The following CADM2 variants were observed in gnomAD, a reference collection of about 807,000 sequenced individuals.
CADM2 encodes cell adhesion molecule 2.
A neutral mutation model predicts 49.8 loss-of-function variants in CADM2; 12 were observed. The ratio of observed to expected loss-of-function variants is 0.24; its 90% CI spans 0.15 to 0.39. The LOEUF (loss-of-function observed/expected upper bound fraction) is 0.39, where lower values mean the gene tolerates loss of function less well. Ranked by LOEUF, CADM2 falls within the 10% of genes least tolerant of loss-of-function variation. The pLI is 1.00. For missense variants in CADM2, 378 were observed against 492.3 expected, an observed-to-expected ratio of 0.77 and a Z score of 2.20; for synonymous variants, 214 against 175.4, an observed-to-expected ratio of 1.22 and a Z score of -1.74.
In CADM2 at chr3:85,192,067, A is replaced by G. The variant is rs1247350483; in HGVS notation, c.61+232399A>G. Among the ~76,000 whole-genome samples the G allele has an allele frequency of 1.1e-4, 17 of 151,904 alleles. 1 individual carries two copies. The highest frequency in any genetic ancestry group is 1.1e-3 in the Admixed American group (16 of 15,196). On this transcript the variant is annotated intron_variant, in intron 1 of 9. Transcript: ENST00000383699. ...AATAAAATTTTACCTGTAAAATGAT[A>G]TATTTATTGACAACTTATAATAAAT...
intron 6 of CADM2, among the ~76,000 whole-genome samples, chr3:85,923,514 G>A (rs1489702302): frequency 7.0e-6 from 1 of 142,728 alleles, no homozygotes; most frequent in African/African-American, 2.6e-5. Flanking sequence ...AAAATTCTGA[G>A]TTCTCAATTG....
chr3:85,213,705 G>A (rs1278379629), intron 1 of CADM2, among the ~76,000 whole-genome samples: 1 of 151,982 alleles, frequency 6.6e-6, no homozygotes, highest in Non-Finnish European at 1.5e-5. Context: ...GTAACTCTTA[G>A]ATTTGTCCTT....
intron 1 of CADM2, among the ~76,000 whole-genome samples, chr3:85,143,499 T>G (rs1440720620): frequency 6.6e-6 from 1 of 152,166 alleles, no homozygotes; most frequent in Admixed American, 6.5e-5. Context: ...TTAATATGAT[T>G]GTGAAAATCA....
At chr3:85,506,659 CA>C (rs2040366856) in intron 1 of CADM2, among the ~76,000 whole-genome samples, 2 of 152,084 alleles carry the variant, frequency 1.3e-5, no homozygotes, top group Admixed American at 1.3e-4. Context: ...GTTAGCTTCC[CA>C]AAAAGCTAGG....
intron 1 of CADM2, among the ~76,000 whole-genome samples, chr3:85,608,623 G>A (rs1170869244): frequency 6.6e-6 from 1 of 152,088 alleles, no homozygotes; most frequent in East Asian, 1.9e-4. Flanking sequence ...GCTTAAAAAG[G>A]CAAGGTAATT....
At chr3:85,477,751 T>C (rs924926912) in intron 1 of CADM2, among the ~76,000 whole-genome samples, 7 of 151,866 alleles carry the variant, frequency 4.6e-5, no homozygotes, top group Admixed American at 3.3e-4. Context: ...TCACCTTCTG[T>C]AGGGATGATT....
intron 8 of CADM2, among the ~76,000 whole-genome samples, chr3:86,010,882 GAA>G (rs1731424144): frequency 6.6e-6 from 1 of 151,480 alleles, no homozygotes; most frequent in Non-Finnish European, 1.5e-5. Flanking sequence ...AGAATAGAAA[GAA>G]AATGCATTTT....
intron 1 of CADM2, among the ~76,000 whole-genome samples, chr3:85,181,473 A>G (rs2040931947): frequency 6.6e-6 from 1 of 152,096 alleles, no homozygotes; most frequent in African/African-American, 2.4e-5. Context: ...AATATGAGAT[A>G]AAGTCACTCT....
chr3:85,946,949 A>G (rs866726140), intron 7 of CADM2, among the ~76,000 whole-genome samples: 3 of 152,166 alleles, frequency 2.0e-5, no homozygotes, highest in East Asian at 3.9e-4. Context: ...GATAAATGAG[A>G]TATAATTAAA....
intron 1 of CADM2, among the ~76,000 whole-genome samples, chr3:85,580,185 A>T (rs530383730): frequency 6.6e-6 from 1 of 152,304 alleles, no homozygotes; most frequent in South Asian, 2.1e-4. Flanking sequence ...CCATTTAATC[A>T]TTTCAGTTAT....
At chr3:85,205,039 A>G (rs530597111) in intron 1 of CADM2, among the ~76,000 whole-genome samples, 1 of 143,914 alleles carries the variant, frequency 6.9e-6, no homozygotes, top group South Asian at 2.2e-4. Flanking sequence ...TTTTTTTGAG[A>G]TAGGATCTTA....
Position 85,413,161 on chromosome 3 carries a change from AAATAATAAT to A in CADM2, c.62-313344_62-313336del, listed in dbSNP as rs1206383142. On this transcript the variant is annotated intron_variant, in intron 1 of 9. Coordinates refer to ENST00000383699, the MANE Select transcript of CADM2 (RefSeq NM_001167675.2). ...CTCAAAAAAAAAAAAAAAAAAAAAA[AAATAATAAT>A]AATAATAATAATAATACACTGGAAG... Among the ~76,000 whole-genome samples the A allele has an allele frequency of 2.4e-3, 260 of 108,398 alleles. 4 individuals are homozygous for A. Among genetic ancestry groups the A allele is most frequent in the East Asian group, 0.01 (37 of 3,696 alleles). The allele number at this position is 108,398 out of a possible 152,430, so 71.1% of individuals were successfully genotyped here. A position where few individuals can be genotyped will look rare whatever the true frequency, so the allele number is the denominator to read the frequency against.
At chr3:85,036,105 G>A (rs2035200110) in intron 1 of CADM2, among the ~76,000 whole-genome samples, 1 of 152,102 alleles carries the variant, frequency 6.6e-6, no homozygotes, top group Admixed American at 6.6e-5. Flanking sequence ...AAGAATGTTA[G>A]GTTTTGGTTG....
chr3:85,305,694 T>C (rs945267774), intron 1 of CADM2, among the ~76,000 whole-genome samples: 2 of 151,666 alleles, frequency 1.3e-5, no homozygotes, highest in Non-Finnish European at 3.0e-5. Context: ...ACCACCATCA[T>C]GCAAAATGAT....
intron 1 of CADM2, among the ~76,000 whole-genome samples, chr3:85,721,059 C>T (rs978841427): frequency 2.0e-5 from 3 of 152,100 alleles, no homozygotes; most frequent in African/African-American, 2.4e-5. Context: ...GTAAATTCAC[C>T]ACTGAAGTGC....
intron 1 of CADM2, among the ~76,000 whole-genome samples, chr3:84,992,816 A>G (rs994106926): frequency 6.6e-6 from 1 of 152,180 alleles, no homozygotes; most frequent in African/African-American, 2.4e-5. Flanking sequence ...CAAACAAAAC[A>G]ACAAAACAAA....
intron 1 of CADM2, among the ~76,000 whole-genome samples, chr3:85,121,452 C>A (rs2038860580): frequency 6.6e-6 from 1 of 151,960 alleles, no homozygotes. Flanking sequence ...CACTAAGAGG[C>A]AGGAGGAAAG....
At chr3:85,608,845 A>G (rs1257595610) in intron 1 of CADM2, among the ~76,000 whole-genome samples, 1 of 152,096 alleles carries the variant, frequency 6.6e-6, no homozygotes, top group African/African-American at 2.4e-5. Flanking sequence ...AATGAGAGGG[A>G]AAAGAAAACC....
chr3:85,819,726 G>A (rs952188284), intron 3 of CADM2, among the ~76,000 whole-genome samples: 1 of 152,036 alleles, frequency 6.6e-6, no homozygotes, highest in African/African-American at 2.4e-5. Flanking sequence ...ATGCATGACA[G>A]TAATTAAGAT....
Sources: gnomAD v4.1 joint callset for allele counts (sites outside exome capture counted in the v4.1 genomes callset) on GRCh38, gnomAD v4.1.1 for gene constraint, MANE v1.5 for transcripts, NCBI Gene and HGNC (gene_info 2026-07-23, HGNC 2026-07-21) for gene names.